Variants in GTF3C3 observed in about 807,000 individuals in gnomAD.
GTF3C3 encodes the protein general transcription factor IIIC subunit 3.
In GTF3C3, 75 loss-of-function variants were observed where a neutral mutation model predicts 105.2. The ratio of observed to expected loss-of-function variants is 0.71; its 90% CI spans 0.59 to 0.86. GTF3C3 has a LOEUF of 0.86. Ranked by LOEUF, GTF3C3 falls within the 40% of genes least tolerant of loss-of-function variation. The pLI is 0.00. For missense variants in GTF3C3, 856 were observed against 1,076.5 expected, an observed-to-expected ratio of 0.80 and a Z score of 2.87; for synonymous variants, 335 against 370.4, an observed-to-expected ratio of 0.90 and a Z score of 1.10.
At chr2:196,792,273 CAGCCTCCAGAGT>C (rs1235722226) in intron 3 of GTF3C3, among the ~76,000 whole-genome samples, 2 of 152,180 alleles carry the variant, frequency 1.3e-5, no homozygotes, top group Admixed American at 6.5e-5. Context: ...CCTCCCACCT[CAGCCTCCAGAGT>C]AGCTAGGACA....
In GTF3C3 at chr2:196,780,751, C is replaced by A. The variant is rs746982259; in HGVS notation, c.1115-89G>T. 2.7e-6 allele frequency: 4 copies of A among 1,455,632 alleles called. No homozygotes were observed. In the African/African-American group the frequency reaches 4.2e-5, roughly 15 times the overall value. The allele number at this position is 1,455,632 out of a possible 1,614,324, so 90.2% of individuals were successfully genotyped here. Reference sequence around the variant, plus strand: ...AAGATCTCATTTATTTCATTCAAAGCAAATGATTCCACAGTCAATTCTTAG... The same window carrying A: ...AAGATCTCATTTATTTCATTCAAAGAAAATGATTCCACAGTCAATTCTTAG... On this transcript the variant is annotated intron_variant, in intron 8 of 17. Coordinates refer to ENST00000263956, the MANE Select transcript of GTF3C3 (RefSeq NM_012086.5).
rs775518900 is a variant in GTF3C3, at chr2:196,764,545, G to C, written c.*18C>G. The C allele has an allele frequency of 6.2e-7, 1 of 1,611,158 alleles. No homozygotes were observed. Among genetic ancestry groups the C allele is most frequent in the Non-Finnish European group, 8.5e-7 (1 of 1,178,130 alleles). ...CTCACACAGCAGCTGCCATTGCTCTGTTCTCAGTTGCGGTGCTTTATATAG... is the reference window on the plus strand; with the variant it reads ...CTCACACAGCAGCTGCCATTGCTCTCTTCTCAGTTGCGGTGCTTTATATAG... On this transcript the variant is annotated 3_prime_UTR_variant, in exon 18 of 18. Coordinates refer to ENST00000263956, the MANE Select transcript of GTF3C3 (RefSeq NM_012086.5).
In GTF3C3 at chr2:196,797,892, C is replaced by T. The variant is rs993531750; in HGVS notation, c.119G>A (p.Gly40Asp). Reference protein sequence around the residue: ...TREKKSLQEKGKLSAEENPDD... With the variant: ...TREKKSLQEKDKLSAEENPDD... ...GGGATTTTCTTCAGCTGATAACTTGCCTTTTTCCTGAAGACTCTGTGATTG... is the reference window on the plus strand; with the variant it reads ...GGGATTTTCTTCAGCTGATAACTTGTCTTTTTCCTGAAGACTCTGTGATTG... The change falls in exon 2 of 18, where the codon GGC becomes GAC. Residue 40 changes from glycine to aspartate, a missense_variant. By Grantham distance (94) the Gly-to-Asp change is moderately conservative. This residue lies in a region of GTF3C3 where 117 missense variants were observed against 114.0 expected (regional missense o/e 1.03). Coordinates refer to ENST00000263956, the MANE Select transcript of GTF3C3 (RefSeq NM_012086.5). 11 of 1,603,058 alleles carry T rather than the reference C, an allele frequency of 6.9e-6. No homozygotes were observed. The African/African-American group carries it at 1.1e-4, about 16-fold the overall frequency.
intron 12 of GTF3C3, 112 bp downstream of exon 12, chr2:196,775,898 G>A: frequency 3.9e-6 from 2 of 510,118 alleles, no homozygotes; most frequent in East Asian, 3.4e-5. Context: ...ATTTTTAAAA[G>A]TTTGAGTTTA....
At chr2:196,765,413 A>C (rs955640613) in intron 17 of GTF3C3, among the ~76,000 whole-genome samples, 13 of 152,104 alleles carry the variant, frequency 8.5e-5, no homozygotes, top group African/African-American at 3.1e-4. Flanking sequence ...ACAACCTTTA[A>C]TAAACAATCT....
Position 196,764,617 on chromosome 2 carries a change from G to T in GTF3C3, c.2607C>A (p.Ser869Arg), listed in dbSNP as rs1329418803. ...IAYNLSLIYQ[S>R]SGNTGMAQTL... ...TTTGAGCCATTCCGGTATTCCCACT[G>T]CTCTGATAGATGAGAGACAAGTTGT... is the stretch of plus-strand genomic sequence containing the variant. Residue 869 changes from serine to arginine, a missense_variant, in exon 18 of 18, where the codon AGC becomes AGA. Around this residue, in one of 3 missense-constraint regions of GTF3C3, gnomAD observed 134 missense variants for 128.9 expected, o/e 1.04. Transcript: ENST00000263956. The T allele has an allele frequency of 1.9e-6, 3 of 1,612,824 alleles. No individual in the cohort carries two copies. The South Asian group carries it at 3.3e-5, about 18-fold the overall frequency.
intron 10 of GTF3C3, chr2:196,777,827 T>C (rs1302067012): frequency 6.6e-6 from 1 of 152,198 alleles, no homozygotes; most frequent in Non-Finnish European, 1.5e-5. Context: ...AGAATCATGA[T>C]TAAATAGGAT....
At position 196,786,238 on chromosome 2, in the gene GTF3C3, C is replaced by T. The variant is rs1426883314; in HGVS notation, c.894-650G>A. On this transcript the variant is annotated intron_variant, in intron 6 of 17. Coordinates refer to ENST00000263956, the MANE Select transcript of GTF3C3 (RefSeq NM_012086.5). This position sits in a 1 kb window ranked among gnomAD's most constrained non-coding sequence, Gnocchi z 4.2. ...TGGCTATCTTGTAAAAACGCATATT[C>T]GGATCCAGTAGAGCTGGGGCAGGCC... is the stretch of plus-strand genomic sequence containing the variant. Among the ~76,000 whole-genome samples, 10 of 152,230 alleles carry T rather than the reference C, an allele frequency of 6.6e-5. No individual in the cohort carries two copies. The highest frequency in any genetic ancestry group is 3.4e-3 in the Middle Eastern group (1 of 294).
At chr2:196,778,621 C>A in intron 10 of GTF3C3, 1 of 378,804 alleles carries the variant, frequency 2.6e-6, no homozygotes, top group Non-Finnish European at 4.8e-6. Flanking sequence ...TGCTAGAAAC[C>A]AGACCCTATG....
intron 17 of GTF3C3, 70 bp downstream of exon 17, chr2:196,766,494 TG>T: frequency 1.7e-6 from 2 of 1,150,352 alleles, no homozygotes; most frequent in Non-Finnish European, 2.5e-6. Flanking sequence ...ATTTACTGGC[TG>T]GACTTAGCTA....
intron 7 of GTF3C3, 60 bp downstream of exon 7, chr2:196,785,381 A>G: frequency 7.2e-7 from 1 of 1,391,366 alleles, no homozygotes; most frequent in South Asian, 1.6e-5. Context: ...AATTTTTAAG[A>G]ATTTCCAGAA....
chr2:196,789,396 T>A, intron 5 of GTF3C3, 27 bp from the exon 6 acceptor site: 1 of 1,537,056 alleles, frequency 6.5e-7, no homozygotes, highest in Non-Finnish European at 8.8e-7. Flanking sequence ...ACAAATTATT[T>A]ACCACAAAAA....
intron 12 of GTF3C3, among the ~76,000 whole-genome samples, chr2:196,775,564 G>C (rs569507482): frequency 5.5e-4 from 83 of 152,214 alleles, no homozygotes; most frequent in African/African-American, 1.9e-3. Flanking sequence ...CTTACCAAAG[G>C]AATTTTGGGT....
Position 196,789,268 on chromosome 2 carries a change from T to C in GTF3C3, c.829A>G (p.Ile277Val). 1 of 1,613,584 alleles carries C rather than the reference T, an allele frequency of 6.2e-7. No homozygotes were observed. The change falls in exon 6 of 18, where the codon ATT becomes GTT. Residue 277 changes from isoleucine (I) to valine (V), a missense_variant. By Grantham distance (29) the Ile-to-Val change is conservative. Around this residue, in one of 3 missense-constraint regions of GTF3C3, gnomAD observed 605 missense variants for 833.6 expected, o/e 0.73. Transcript: ENST00000263956. ...HKMAMDGYRR[I>V]LNLLSPSDGE... is the part of the protein sequence containing the mutation. ...TCAGATGGAGACAAAAGGTTTAAAA[T>C]ACGCCTATAACCATCCATGGCCATT...
rs1217659523 is a variant in GTF3C3 at position 196,799,665 on chromosome 2, G to A, written c.-54C>T. The A allele has an allele frequency of 3.0e-6, 4 of 1,313,730 alleles. No individual in the cohort carries two copies. Among genetic ancestry groups the A allele is most frequent in the African/African-American group, 2.9e-5 (2 of 68,876 alleles). The allele number at this position is 1,313,730 out of a possible 1,614,324, so 81.4% of individuals were successfully genotyped here. A position where few individuals can be genotyped will look rare whatever the true frequency, so the allele number is the denominator to read the frequency against. ...GGAACCGGGACAGAGAACCGGAAGA[G>A]CAGCGCCTTCCAGAAGCTACCTCGC... On this transcript the variant is annotated 5_prime_UTR_variant, in exon 1 of 18. Transcript: ENST00000263956.
chr2:196,769,110 CTTA>C (rs955807060), intron 16 of GTF3C3, among the ~76,000 whole-genome samples: 28 of 152,110 alleles, frequency 1.8e-4, no homozygotes, highest in African/African-American at 6.3e-4. Context: ...TTTTAAAAAA[CTTA>C]TTATAGAAAT....
rs768130461 is a variant in GTF3C3 at position 196,789,904 on chromosome 2, C to T, written c.702G>A (p.Lys234=). ...AEMSLEQDNI[K]QAIFCYTKAL... ...CTTTTGTATAGCAAAAAATAGCCTG[C>T]TTAATATTGTCTTGTTCCAGAGACA... Residue 234 remains lysine, a synonymous_variant, in exon 5 of 18, where the codon AAG becomes AAA. Transcript: ENST00000263956. The T allele has an allele frequency of 6.3e-7, 1 of 1,596,736 alleles. No homozygotes were observed. The highest frequency in any genetic ancestry group is 1.8e-5 in the Admixed American group (1 of 55,818).
rs139582675 is a variant in GTF3C3, at chr2:196,786,969, A to T, written c.894-1381T>A. On this transcript the variant is annotated intron_variant, in intron 6 of 17. Transcript: ENST00000263956. This position sits in a 1 kb window ranked among gnomAD's most constrained non-coding sequence, Gnocchi z 4.2. Reference sequence around the variant, plus strand: ...TTCTTCAATTAAATTCTAGAACATCATGCTGTTCTCAGTTTCCTGCTACTT... The same window carrying T: ...TTCTTCAATTAAATTCTAGAACATCTTGCTGTTCTCAGTTTCCTGCTACTT... Among the ~76,000 whole-genome samples the T allele has an allele frequency of 6.6e-6, 1 of 152,222 alleles. No individual in the cohort carries two copies. The highest frequency in any genetic ancestry group is 1.9e-4 in the East Asian group (1 of 5,182).
Position 196,764,497 on chromosome 2 carries a change from C to A in GTF3C3, c.*66G>T, listed in dbSNP as rs542696314. The A allele has an allele frequency of 2.9e-5, 42 of 1,438,418 alleles. No homozygotes were observed. In the East Asian group the frequency reaches 8.3e-4, roughly 28 times the overall value. 89.1% of individuals were successfully genotyped at this position (1,438,418 alleles called of 1,614,324 possible). A position where few individuals can be genotyped will look rare whatever the true frequency, so the allele number is the denominator to read the frequency against. On this transcript the variant is annotated 3_prime_UTR_variant, in exon 18 of 18. Coordinates refer to ENST00000263956, the MANE Select transcript of GTF3C3 (RefSeq NM_012086.5). ...CTATTTTGGAGTTACAAATAATAAG[C>A]CCTGAGACAGAAGACACTGGTCCTC...
Sources: gnomAD v4.1 joint callset for allele counts (sites outside exome capture counted in the v4.1 genomes callset) on GRCh38, gnomAD v4.1.1 for gene constraint, gnomAD v4.1.1 regional missense constraint, Gnocchi (gnomAD v3.1) non-coding constraint, MANE v1.5 for transcripts, NCBI Gene and HGNC (gene_info 2026-07-23, HGNC 2026-07-21) for gene names.